RFXANK: variants seen among roughly 807,000 people sequenced by gnomAD.
RFXANK encodes the protein DNA-binding protein RFXANK.
A neutral mutation model predicts 34.5 loss-of-function variants in RFXANK; 19 were observed. The observed-to-expected ratio is 0.55, with a 90% confidence interval of 0.38 to 0.81. RFXANK has a LOEUF of 0.81. RFXANK is among the 30% of genes least tolerant of loss of function. The pLI, the probability that RFXANK is intolerant of heterozygous loss-of-function variation, is 0.00. For missense variants in RFXANK, 295 were observed against 343.5 expected, an observed-to-expected ratio of 0.86 and a Z score of 1.12; for synonymous variants, 154 against 149.8, an observed-to-expected ratio of 1.03 and a Z score of -0.20.
intron 5 of RFXANK, 28 bp downstream of exon 5, chr19:19,197,279 T>C (rs768826863): frequency 1.2e-6 from 2 of 1,610,390 alleles, no homozygotes; most frequent in South Asian, 2.2e-5. Context: ...TGTGCTGGCA[T>C]GTCTGCACCT....
In RFXANK at chr19:19,201,639, C is replaced by T. The variant is rs2060720279; in HGVS notation, c.713-10C>T. The T allele has an allele frequency of 4.3e-6, 7 of 1,614,096 alleles. No individual in the cohort carries two copies. In the South Asian group the frequency reaches 5.5e-5, roughly 13 times the overall value. On this transcript the variant is annotated splice_polypyrimidine_tract_variant and intron_variant, in intron 9 of 9. Transcript: ENST00000303088. ...AGCTCACAGCCCACCTTTTCCCTGC[C>T]CCATCTCAGTGCAACAGGTGATCGA...
intron 3 of RFXANK, 81 bp downstream of exon 3, chr19:19,194,214 C>T (rs1195490523): frequency 6.8e-7 from 1 of 1,462,152 alleles, no homozygotes. Flanking sequence ...CTGTGTCTTG[C>T]TTTCGTTTTT....
In RFXANK at chr19:19,201,647, A is replaced by G; in HGVS notation, c.713-2A>G. ...GCCCACCTTTTCCCTGCCCCATCTC[A>G]GTGCAACAGGTGATCGAGAACCACA... On this transcript the variant is annotated splice_acceptor_variant, in intron 9 of 9. Transcript: ENST00000303088. LOFTEE classifies it high-confidence loss of function. 1 of 1,614,096 alleles carries G rather than the reference A, an allele frequency of 6.2e-7. No individual in the cohort carries two copies. Among genetic ancestry groups the G allele is most frequent in the Non-Finnish European group, 8.5e-7 (1 of 1,180,018 alleles).
intron 1 of RFXANK, 196 bp downstream of exon 1, chr19:19,192,750 C>G (rs913002723): frequency 2.6e-5 from 4 of 152,750 alleles, no homozygotes; most frequent in African/African-American, 9.6e-5. Context: ...CCCTCCGAGT[C>G]GGTGAGGAGG....
At chr19:19,197,872 C>T (rs1177685906) in intron 6 of RFXANK, among the ~76,000 whole-genome samples, 1 of 151,982 alleles carries the variant, frequency 6.6e-6, no homozygotes, top group Non-Finnish European at 1.5e-5. Context: ...ATTAGCCAGG[C>T]GTCGTGGTGG....
Position 19,198,250 on chromosome 19 carries a change from C to G in RFXANK, c.564+18C>G, listed in dbSNP as rs758318273. The G allele has an allele frequency of 6.2e-7, 1 of 1,613,986 alleles. No individual in the cohort carries two copies. The highest frequency in any genetic ancestry group is 8.5e-7 in the Non-Finnish European group (1 of 1,179,968). On this transcript the variant is annotated intron_variant, in intron 7 of 9. Coordinates refer to ENST00000303088, the MANE Select transcript of RFXANK (RefSeq NM_003721.4). ...ATGATTGGGTGAGGGACTGCCCATC[C>G]CCAGGACCTCTCAGCCTCCTGGCCT...
At chr19:19,196,521 C>T (rs2060601317) in intron 3 of RFXANK, among the ~76,000 whole-genome samples, 1 of 150,066 alleles carries the variant, frequency 6.7e-6, no homozygotes, top group East Asian at 2.0e-4. Context: ...GTGATCACAC[C>T]ACCGCACTCC....
chr19:19,192,852 C>A (rs1268363366), intron 1 of RFXANK, 108 bp from the exon 2 acceptor site: 1 of 152,356 alleles, frequency 6.6e-6, no homozygotes, highest in East Asian at 1.9e-4. Context: ...GCAGCACTTA[C>A]TGCCCGGGCC....
chr19:19,200,274 T>C (rs1187411043), intron 9 of RFXANK, among the ~76,000 whole-genome samples: 1 of 144,708 alleles, frequency 6.9e-6, no homozygotes, highest in African/African-American at 2.6e-5. Context: ...ACCTCCCAGG[T>C]TCAAGCGATT....
In RFXANK at chr19:19,198,329, G is replaced by T. The variant is rs970417951; in HGVS notation, c.564+97G>T. On this transcript the variant is annotated intron_variant, in intron 7 of 9. Coordinates refer to ENST00000303088, the MANE Select transcript of RFXANK (RefSeq NM_003721.4). ...ACTTGAAAGGTGCAGGCCTGCTCTA[G>T]GTGCCGAGAACACGAGACAGCCCCA... 7 of 1,551,278 alleles carry T rather than the reference G, an allele frequency of 4.5e-6. No homozygotes were observed. The African/African-American group carries it at 6.8e-5, about 15-fold the overall frequency.
chr19:19,194,131 A>G lies in RFXANK; in HGVS notation c.185A>G (p.Gln62Arg). 6.2e-7 allele frequency: 1 copy of G among 1,614,058 alleles called. No individual in the cohort carries two copies. The highest frequency in any genetic ancestry group is 8.5e-7 in the Non-Finnish European group (1 of 1,179,900). ...PEPDASVSSPQAGSSLKHSTT... is the reference protein window; with the variant it reads ...PEPDASVSSPRAGSSLKHSTT... ...CCGGATGCCAGTGTTTCCTCTCCAC[A>G]GGGTAGGATACCTCCTCTGGGATTA... The change falls in exon 3 of 10, where the codon CAG (glutamine) becomes CGG (arginine). Residue 62 changes from glutamine (Q) to arginine (R), a missense_variant and splice_region_variant. Physicochemically the swap from Gln to Arg is conservative, Grantham distance 43. Transcript: ENST00000303088.
intron 2 of RFXANK, among the ~76,000 whole-genome samples, chr19:19,193,619 G>C (rs2060538109): frequency 6.6e-6 from 1 of 151,812 alleles, no homozygotes; most frequent in Admixed American, 6.6e-5. Flanking sequence ...TTTCACCATG[G>C]TGGCCAGCCT....
intron 3 of RFXANK, among the ~76,000 whole-genome samples, chr19:19,196,537 G>A (rs1052757053): frequency 1.3e-5 from 2 of 150,050 alleles, no homozygotes; most frequent in African/African-American, 4.9e-5. Flanking sequence ...ACTCCAGCCT[G>A]GACAACAGAG....
chr19:19,196,038 G>A (rs1387931066), intron 3 of RFXANK, among the ~76,000 whole-genome samples: 1 of 151,838 alleles, frequency 6.6e-6, no homozygotes, highest in African/African-American at 2.4e-5. Context: ...CACTGTGCCC[G>A]GCCTTAAGTT....
Position 19,192,279 on chromosome 19 carries a change from T to A in RFXANK, c.-425T>A. ...CAGTCTTTGCGGACAAGAAAGGGGCTGTGTGAGACGCAGGGAAGGAGGCAC... is the reference window on the plus strand; with the variant it reads ...CAGTCTTTGCGGACAAGAAAGGGGCAGTGTGAGACGCAGGGAAGGAGGCAC... On this transcript the variant is annotated 5_prime_UTR_variant, in exon 1 of 10. Coordinates refer to ENST00000303088, the MANE Select transcript of RFXANK (RefSeq NM_003721.4). 1 of 923,864 alleles carries A rather than the reference T, an allele frequency of 1.1e-6. No individual in the cohort carries two copies. The highest frequency in any genetic ancestry group is 1.6e-6 in the Non-Finnish European group (1 of 619,016). 57.2% of individuals were successfully genotyped at this position (923,864 alleles called of 1,614,324 possible). A position where few individuals can be genotyped will look rare whatever the true frequency, so the allele number is the denominator to read the frequency against.
chr19:19,201,348 G>T (rs926786284), intron 9 of RFXANK: 8 of 927,180 alleles, frequency 8.6e-6, no homozygotes, highest in Non-Finnish European at 1.3e-5. Context: ...AAAGTGCTGG[G>T]ATTATAGGTG....
intron 7 of RFXANK, 120 bp downstream of exon 7, chr19:19,198,352 C>T: frequency 1.4e-6 from 2 of 1,438,472 alleles, no homozygotes; most frequent in South Asian, 2.4e-5. Context: ...CGAGACAGCC[C>T]CATTCCCAGC....
chr19:19,193,962 C>A lies in RFXANK; in HGVS notation c.16C>A (p.Pro6Thr), dbSNP rs746728542. ...AGCTTTCCCCATGGAGCTTACCCAG[C>A]CTGCAGAAGACCTCATCCAGACCCA... MELTQ[P>T]AEDLIQTQQT... Residue 6 changes from proline to threonine, a missense_variant, in exon 3 of 10, where the codon CCT (proline) becomes ACT (threonine). By Grantham distance (38) the Pro-to-Thr change is conservative. Coordinates refer to ENST00000303088, the MANE Select transcript of RFXANK (RefSeq NM_003721.4). 1.2e-6 allele frequency: 2 copies of A among 1,614,218 alleles called. No homozygotes were observed. The highest frequency in any genetic ancestry group is 3.3e-5 in the Admixed American group (2 of 60,020).
At chr19:19,201,376 G>A (rs1424103629) in intron 9 of RFXANK, 5 of 1,182,234 alleles carry the variant, frequency 4.2e-6, no homozygotes, top group Non-Finnish European at 6.0e-6. Flanking sequence ...CCATGCCCAG[G>A]CTCATCTTTT....
Sources: gnomAD v4.1 joint callset for allele counts (sites outside exome capture counted in the v4.1 genomes callset) on GRCh38, gnomAD v4.1.1 for gene constraint, MANE v1.5 for transcripts, NCBI Gene and HGNC (gene_info 2026-07-23, HGNC 2026-07-21) for gene names.